Variants in RIPOR2 observed in about 807,000 individuals in gnomAD.
RIPOR2 encodes the protein RHO family interacting cell polarization regulator 2, also known as rho family-interacting cell polarization regulator 2.
In RIPOR2, 39 loss-of-function variants were observed where a neutral mutation model predicts 114.5. The ratio of observed to expected loss-of-function variants is 0.34; its 90% CI spans 0.26 to 0.44. The LOEUF (loss-of-function observed/expected upper bound fraction) is 0.44. Among genes scored for constraint, RIPOR2 ranks in the 20% least tolerant of loss-of-function variants. The pLI, the probability that RIPOR2 is intolerant of heterozygous loss-of-function variation, is 1.00. For synonymous variants in RIPOR2, 445 were observed against 484.4 expected (o/e 0.92, Z 1.07); for missense variants, 1,007 against 1,255.1 (o/e 0.80, Z 2.99).
intron 1 of RIPOR2, among the ~76,000 whole-genome samples, chr6:24,887,644 C>G (rs191274300): frequency 6.6e-6 from 1 of 152,288 alleles, no homozygotes; most frequent in East Asian, 1.9e-4. Context: ...TATTCCTCTT[C>G]AAAGCAATGA....
At chr6:24,948,822 C>T (rs1248177290) in intron 1 of RIPOR2, among the ~76,000 whole-genome samples, 1 of 152,208 alleles carries the variant, frequency 6.6e-6, no homozygotes, top group Non-Finnish European at 1.5e-5. Flanking sequence ...TGAGGCACCA[C>T]GCCCAGCCAC....
chr6:24,943,799 C>T (rs1772266432), intron 1 of RIPOR2, among the ~76,000 whole-genome samples: 1 of 152,012 alleles, frequency 6.6e-6, no homozygotes, highest in Non-Finnish European at 1.5e-5. Context: ...CTTCAAAGTC[C>T]CATTCCCCCC....
At chr6:24,866,130 T>C (rs934281714) in intron 6 of RIPOR2, among the ~76,000 whole-genome samples, 1 of 152,188 alleles carries the variant, frequency 6.6e-6, no homozygotes, top group Non-Finnish European at 1.5e-5. Context: ...TTCTTAAAAT[T>C]AGGGTAAAAC....
intron 1 of RIPOR2, among the ~76,000 whole-genome samples, chr6:25,029,250 T>C (rs1776780155): frequency 6.6e-6 from 1 of 151,228 alleles, no homozygotes; most frequent in African/African-American, 2.4e-5. Flanking sequence ...ATCGCGACAC[T>C]GCACTCCAGC....
At chr6:25,031,783 GATATCCATAGAATATATATA>G (rs1776993154) in intron 1 of RIPOR2, among the ~76,000 whole-genome samples, 1 of 84,768 alleles carries the variant, frequency 1.2e-5, no homozygotes, top group Non-Finnish European at 2.3e-5. Flanking sequence ...ATATTCTATG[GATATCCATAGAATATATATA>G]ATATCCATAG....
At chr6:24,965,489 CT>C (rs1773486958) in intron 1 of RIPOR2, among the ~76,000 whole-genome samples, 1 of 152,154 alleles carries the variant, frequency 6.6e-6, no homozygotes, top group African/African-American at 2.4e-5. Flanking sequence ...CTACTTCATT[CT>C]TTTTGAAGTT....
chr6:24,877,081 C>A, intron 1 of RIPOR2: 1 of 985,290 alleles, frequency 1.0e-6, no homozygotes, highest in African/African-American at 1.7e-5. Context: ...AGAGTGTCGA[C>A]AATTGCCCTT....
At chr6:24,954,455 C>CTTTTTTTTTTTTTTT (rs372356246) in intron 1 of RIPOR2, among the ~76,000 whole-genome samples, 1 of 116,252 alleles carries the variant, frequency 8.6e-6, no homozygotes, top group Non-Finnish European at 1.7e-5. Context: ...GTCTCTCTCT[C>CTTTTTTTTTTTTTTT]CTTTTTTTTT....
At position 24,839,186 on chromosome 6, in the gene RIPOR2, G is replaced by A; in HGVS notation, c.1944C>T (p.Thr648=). 1 of 1,551,668 alleles carries A rather than the reference G, an allele frequency of 6.4e-7. No homozygotes were observed. Among genetic ancestry groups the A allele is most frequent in the African/African-American group, 1.4e-5 (1 of 73,108 alleles). ...SALESFDFLN[T]SDFDEEEDGD... is the part of the protein sequence containing the mutation. ...CATCCTCCTCCTCGTCAAAATCAGAGGTGTTCAGGAAATCAAAGCTTTCTA... is the reference window on the plus strand; with the variant it reads ...CATCCTCCTCCTCGTCAAAATCAGAAGTGTTCAGGAAATCAAAGCTTTCTA... The change falls in exon 14 of 22, where the codon ACC becomes ACT. Residue 648 remains threonine, a synonymous_variant. Transcript: ENST00000643898.
At chr6:25,021,178 T>A (rs1776301621) in intron 1 of RIPOR2, among the ~76,000 whole-genome samples, 1 of 152,162 alleles carries the variant, frequency 6.6e-6, no homozygotes, top group Non-Finnish European at 1.5e-5. Context: ...TTTATTTCCT[T>A]TGCATATAGG....
At chr6:24,866,057 T>G (rs1025193104) in intron 6 of RIPOR2, among the ~76,000 whole-genome samples, 45 of 152,172 alleles carry the variant, frequency 3.0e-4, no homozygotes, top group African/African-American at 1.0e-3. Context: ...ATAAAGTAAC[T>G]TGGGGATATA....
chr6:25,000,462 C>G (rs112493328), intron 1 of RIPOR2, among the ~76,000 whole-genome samples: 1,765 of 152,254 alleles, frequency 0.012, 14 homozygotes, highest in South Asian at 0.026. Context: ...CTCAATTAGT[C>G]ATTTATTAAA....
At position 24,871,292 on chromosome 6, in the gene RIPOR2, G is replaced by A. The variant is rs867044172; in HGVS notation, c.424-403C>T. On this transcript the variant is annotated intron_variant, in intron 4 of 21. Transcript: ENST00000643898. ...GGTACGAATATAAAACATAGCAGTG[G>A]CATATGTGTTAAAAAATACCTGCCT... Among the ~76,000 whole-genome samples the A allele has an allele frequency of 5.9e-5, 9 of 152,252 alleles. No individual in the cohort carries two copies. The South Asian group carries it at 1.5e-3, about 25-fold the overall frequency.
In RIPOR2 at chr6:25,037,185, C is replaced by G. The variant is rs1354150936; in HGVS notation, c.76+4666G>C. Among the ~76,000 whole-genome samples, 2 of 152,130 alleles carry G rather than the reference C, an allele frequency of 1.3e-5. No individual in the cohort carries two copies. Among genetic ancestry groups the G allele is most frequent in the Non-Finnish European group, 2.9e-5 (2 of 68,012 alleles). On this transcript the variant is annotated intron_variant, in intron 1 of 13. Coordinates refer to the RIPOR2 transcript ENST00000510784. The surrounding 1 kb of genome is among the most constrained non-coding windows in gnomAD (Gnocchi z 4.5). ...TTTTAAGGTTGAGGAAGTGGGCATT[C>G]AGGGAGGTGGAATAAATTGCCCACA...
chr6:25,039,062 T>C (rs303896), intron 1 of RIPOR2, among the ~76,000 whole-genome samples: 79,006 of 152,148 alleles, frequency 0.52, 20,630 homozygotes, highest in South Asian at 0.56. Flanking sequence ...GGTTTACTAA[T>C]TTATTTTTCT....
At chr6:24,948,573 C>G (rs1772581940) in intron 1 of RIPOR2, among the ~76,000 whole-genome samples, 1 of 151,478 alleles carries the variant, frequency 6.6e-6, no homozygotes, top group South Asian at 2.1e-4. Flanking sequence ...CTCTTGTTGC[C>G]CAGGCTGGAG....
chr6:24,937,283 G>T (rs1433639108), upstream of RIPOR2, among the ~76,000 whole-genome samples: 1 of 152,068 alleles, frequency 6.6e-6, no homozygotes, highest in African/African-American at 2.4e-5. Context: ...ACAATGACTG[G>T]GGGTTATTAC....
chr6:24,982,280 A>G (rs2113586531), intron 1 of RIPOR2, among the ~76,000 whole-genome samples: 1 of 152,362 alleles, frequency 6.6e-6, no homozygotes, highest in South Asian at 2.1e-4. Flanking sequence ...ATAAAGGAAT[A>G]ATAGTTTTGT....
intron 8 of RIPOR2, among the ~76,000 whole-genome samples, chr6:24,860,509 G>A (rs560941544): frequency 6.6e-6 from 1 of 152,266 alleles, no homozygotes; most frequent in Admixed American, 6.5e-5. Context: ...TATTATTTTT[G>A]TTAGCTGTGA....
Sources: allele counts gnomAD v4.1 joint callset (sites outside exome capture counted in the v4.1 genomes callset), GRCh38; gene constraint gnomAD v4.1.1; non-coding constraint Gnocchi (gnomAD v3.1); transcripts MANE v1.5; gene names NCBI Gene and HGNC (gene_info 2026-07-23, HGNC 2026-07-21).